The following RNF150 variants were observed in gnomAD, a reference collection of about 807,000 sequenced individuals.
RNF150 encodes ring finger protein 150.
Under a neutral mutation model 39.3 loss-of-function variants are expected in RNF150, and 24 were observed. The observed-to-expected ratio is 0.61, with a 90% CI of 0.44 to 0.86. The LOEUF is 0.86. Among genes scored for constraint, RNF150 ranks in the 40% least tolerant of loss-of-function variants. The pLI is 0.00. For synonymous variants in RNF150, 255 were observed against 227.3 expected, an observed-to-expected ratio of 1.12 and a Z score of -1.10; for missense variants, 502 against 587.8, an observed-to-expected ratio of 0.85 and a Z score of 1.51.
intron 1 of RNF150, among the ~76,000 whole-genome samples, chr4:141,205,651 C>T (rs1220547379): frequency 6.6e-6 from 1 of 152,106 alleles, no homozygotes; most frequent in African/African-American, 2.4e-5. Flanking sequence ...TACACTTTAT[C>T]CCAATTTAAA....
intron 6 of RNF150, among the ~76,000 whole-genome samples, chr4:140,904,467 T>C (rs1240254339): frequency 2.6e-5 from 4 of 152,318 alleles, no homozygotes; most frequent in Middle Eastern, 3.4e-3. Flanking sequence ...CCAGCTGGCA[T>C]ATTTATCCAT....
intron 1 of RNF150, among the ~76,000 whole-genome samples, chr4:141,016,633 T>G (rs1003772820): frequency 3.1e-4 from 47 of 152,342 alleles, no homozygotes; most frequent in African/African-American, 1.1e-3. Flanking sequence ...ACCTGCCCTG[T>G]ATCAAAAACA....
chr4:140,931,706 A>T (rs568950185), intron 4 of RNF150, among the ~76,000 whole-genome samples: 1 of 152,362 alleles, frequency 6.6e-6, no homozygotes, highest in South Asian at 2.1e-4. Context: ...TACAACAAAG[A>T]GTTGGCCAAA....
intron 5 of RNF150, 58 bp from the exon 6 acceptor site, chr4:140,911,412 G>A: frequency 7.1e-7 from 1 of 1,406,886 alleles, no homozygotes; most frequent in Non-Finnish European, 9.9e-7. Context: ...GAGATTAAAT[G>A]TCTATAGCCT....
chr4:141,035,964 T>A (rs563415182), intron 1 of RNF150, among the ~76,000 whole-genome samples: 10 of 151,930 alleles, frequency 6.6e-5, no homozygotes, highest in Non-Finnish European at 8.8e-5. Context: ...TTGAAGAGCA[T>A]CTTAAAAGAT....
chr4:141,095,204 A>T (rs1358137015), intron 1 of RNF150, among the ~76,000 whole-genome samples: 47 of 152,204 alleles, frequency 3.1e-4, no homozygotes, highest in Admixed American at 2.9e-3. Context: ...TTGGAGGCCA[A>T]ATGTGGGCTG....
At position 140,869,419 on chromosome 4, in the gene RNF150, C is replaced by T. The variant is rs540290398; in HGVS notation, c.1199-1040G>A. Among the ~76,000 whole-genome samples the T allele has an allele frequency of 2.6e-5, 4 of 152,126 alleles. No homozygotes were observed. In the East Asian group the frequency reaches 7.7e-4, roughly 29 times the overall value. On this transcript the variant is annotated intron_variant, in intron 6 of 6. Transcript: ENST00000515673. ...TCTGTTAACATTTTTTTTCAGTTCT[C>T]CCAAATACTCTTCAATGAACATACA...
At chr4:140,987,321 C>CA (rs1734048221) in intron 1 of RNF150, among the ~76,000 whole-genome samples, 1 of 151,970 alleles carries the variant, frequency 6.6e-6, no homozygotes, top group South Asian at 2.1e-4. Flanking sequence ...CAATCCTAAG[C>CA]AAAAACAACA....
chr4:140,985,140 A>G (rs1233045047), intron 1 of RNF150, among the ~76,000 whole-genome samples: 1 of 152,148 alleles, frequency 6.6e-6, no homozygotes, highest in African/African-American at 2.4e-5. Context: ...GTGACACTAC[A>G]CTGCCTCCTA....
At chr4:141,004,713 T>C (rs1329432045) in intron 1 of RNF150, among the ~76,000 whole-genome samples, 7 of 152,198 alleles carry the variant, frequency 4.6e-5, no homozygotes, top group African/African-American at 1.7e-4. Context: ...AGGTTATTTT[T>C]ATAAGAAGTT....
intron 1 of RNF150, among the ~76,000 whole-genome samples, chr4:140,975,355 G>A (rs1733624159): frequency 6.6e-6 from 1 of 152,182 alleles, no homozygotes; most frequent in African/African-American, 2.4e-5. Context: ...GACCGTGGGA[G>A]GTGAGTTTGT....
intron 1 of RNF150, among the ~76,000 whole-genome samples, chr4:140,990,435 A>G (rs1463998120): frequency 1.3e-5 from 2 of 152,180 alleles, no homozygotes; most frequent in Non-Finnish European, 2.9e-5. Flanking sequence ...TGCTGCACCC[A>G]TCACCTAGGT....
At chr4:141,202,618 C>G (rs547351397) in intron 1 of RNF150, among the ~76,000 whole-genome samples, 2 of 151,798 alleles carry the variant, frequency 1.3e-5, no homozygotes, top group Non-Finnish European at 2.9e-5. Context: ...TATTTAAAAG[C>G]CTTTTGGACT....
At chr4:140,901,661 A>G (rs1445913929) in intron 6 of RNF150, among the ~76,000 whole-genome samples, 1 of 152,244 alleles carries the variant, frequency 6.6e-6, no homozygotes, top group Non-Finnish European at 1.5e-5. Context: ...GTTTTAGAAC[A>G]TAAAGGTAAA....
chr4:141,042,107 C>G (rs1168939703), intron 1 of RNF150, among the ~76,000 whole-genome samples: 1 of 151,982 alleles, frequency 6.6e-6, no homozygotes, highest in African/African-American at 2.4e-5. Context: ...TGGACATGCT[C>G]TGGCAGTTGA....
In RNF150 at chr4:140,947,634, C is replaced by T; in HGVS notation, c.890+20G>A. 2 of 1,597,762 alleles carry T rather than the reference C, an allele frequency of 1.3e-6. No individual in the cohort carries two copies. The highest frequency in any genetic ancestry group is 4.5e-5 in the East Asian group (2 of 44,602). The stretch of plus-strand genomic sequence containing the variant: ...TCCACACACACAACCCAATCAAAAG[C>T]AGGCAGCCTAGTGACTCACCGGCAG... On this transcript the variant is annotated intron_variant, in intron 4 of 6. Coordinates refer to ENST00000515673, the MANE Select transcript of RNF150 (RefSeq NM_020724.2).
intron 1 of RNF150, among the ~76,000 whole-genome samples, chr4:141,202,018 A>G (rs1728300025): frequency 1.3e-5 from 2 of 152,256 alleles, no homozygotes; most frequent in Admixed American, 6.5e-5. Context: ...GCACAGCAAG[A>G]TGGTGCCATC....
intron 1 of RNF150, among the ~76,000 whole-genome samples, chr4:140,979,578 T>C (rs1462190060): frequency 3.3e-5 from 5 of 151,760 alleles, no homozygotes; most frequent in Non-Finnish European, 7.4e-5. Flanking sequence ...AAATAAATAC[T>C]TAGAGCATTC....
intron 1 of RNF150, among the ~76,000 whole-genome samples, chr4:141,042,791 T>C (rs1410429678): frequency 2.0e-5 from 3 of 152,070 alleles, no homozygotes; most frequent in Non-Finnish European, 2.9e-5. Flanking sequence ...CGCCCATGTG[T>C]TCTGGGGATG....
Sources: gnomAD v4.1 joint callset for allele counts (sites outside exome capture counted in the v4.1 genomes callset) on GRCh38, gnomAD v4.1.1 for gene constraint, MANE v1.5 for transcripts, NCBI Gene and HGNC (gene_info 2026-07-23, HGNC 2026-07-21) for gene names.